RAD54B: variants seen among roughly 807,000 people sequenced by gnomAD.
The protein encoded by RAD54B is DNA repair and recombination protein RAD54B.
In RAD54B, 78 loss-of-function variants were observed where a neutral mutation model predicts 95.8. That is an observed-to-expected ratio of 0.81 (90% confidence interval 0.68 to 0.98). The LOEUF (loss-of-function observed/expected upper bound fraction) is 0.98. Ranked by LOEUF, RAD54B falls within the 50% of genes least tolerant of loss-of-function variation. The pLI is 0.00. For synonymous variants in RAD54B, 328 were observed against 354.9 expected (o/e 0.92, Z 0.85); for missense variants, 957 against 1,056.6 (o/e 0.91, Z 1.31).
intron 3 of RAD54B, among the ~76,000 whole-genome samples, chr8:94,437,131 G>A (rs1481204217): frequency 6.6e-6 from 1 of 152,170 alleles, no homozygotes. Context: ...TGTGTATAAA[G>A]GGAACAGCTC....
chr8:94,406,027 C>CACACACACACAT (rs11281421), intron 5 of RAD54B, among the ~76,000 whole-genome samples: 5,103 of 150,390 alleles, frequency 0.034, 103 homozygotes, highest in South Asian at 0.048. Flanking sequence ...CACACACACA[C>CACACACACACAT]ATATATATAA....
intron 4 of RAD54B, among the ~76,000 whole-genome samples, chr8:94,407,963 T>G (rs1031910612): frequency 1.7e-4 from 26 of 152,148 alleles, no homozygotes; most frequent in African/African-American, 6.3e-4. Flanking sequence ...AAATATAGAT[T>G]ATTGTACTCT....
At chr8:94,444,804 C>A (rs1308963703) in intron 3 of RAD54B, among the ~76,000 whole-genome samples, 2 of 152,178 alleles carry the variant, frequency 1.3e-5, no homozygotes, top group East Asian at 1.9e-4. Context: ...ATTGTAAATT[C>A]TTCCTCTGTC....
chr8:94,379,259 A>G (rs963080687), intron 12 of RAD54B, among the ~76,000 whole-genome samples: 2 of 152,168 alleles, frequency 1.3e-5, no homozygotes, highest in Admixed American at 6.5e-5. Context: ...TGGATCATGT[A>G]GTTTGATTTC....
Position 94,380,318 on chromosome 8 carries a change from C to T in RAD54B, c.2074G>A (p.Gly692Arg). 1 of 1,614,038 alleles carries T rather than the reference C, an allele frequency of 6.2e-7. No individual in the cohort carries two copies. The highest frequency in any genetic ancestry group is 2.2e-5 in the East Asian group (1 of 44,850). ...RHGYAYTRLD[G>R]QTPISQRQQI... ...TGCCTTTGAGAGATTGGTGTTTGTCCATCAAGTCTTGTATAAGCATATCCA... is the reference window on the plus strand; with the variant it reads ...TGCCTTTGAGAGATTGGTGTTTGTCTATCAAGTCTTGTATAAGCATATCCA... Residue 692 changes from glycine to arginine, a missense_variant, in exon 12 of 15, where the codon GGA (glycine) becomes AGA (arginine). Gly to Arg is a moderately radical substitution (Grantham distance 125). Transcript: ENST00000336148.
intron 11 of RAD54B, 33 bp downstream of exon 11, chr8:94,386,951 T>A (rs777987777): frequency 1.1e-4 from 160 of 1,482,980 alleles, no homozygotes; most frequent in Admixed American, 2.1e-4. Flanking sequence ...TAAAACTCTA[T>A]GAGCACTTAT....
In RAD54B at chr8:94,458,273, T is replaced by G. The variant is rs61758786; in HGVS notation, c.299A>C (p.His100Pro). 797 of 1,601,838 alleles carry G rather than the reference T, an allele frequency of 5.0e-4. No homozygotes were observed. The highest frequency in any genetic ancestry group is 5.3e-4 in the Non-Finnish European group (620 of 1,176,074). ...APTLATLDPP[H>P]TVHSAPKEVA... The stretch of plus-strand genomic sequence containing the variant: ...TCAATAAAAAGCAGTCTTACCTGTA[T>G]GAGGTGGATCTAATGTTGCCAGTGT... The change falls in exon 3 of 15, where the codon CAT becomes CCT. Residue 100 changes from histidine (H) to proline (P), a missense_variant. His to Pro is a moderately conservative substitution (Grantham distance 77). Transcript: ENST00000336148.
chr8:94,432,204 C>A, intron 3 of RAD54B: 1 of 1,550,284 alleles, frequency 6.5e-7, no homozygotes, highest in Non-Finnish European at 8.7e-7. Context: ...AATTTTTGCT[C>A]TTAGTAGCTC....
intron 3 of RAD54B, among the ~76,000 whole-genome samples, chr8:94,425,477 T>C (rs1473027829): frequency 6.6e-6 from 1 of 152,178 alleles, no homozygotes; most frequent in Non-Finnish European, 1.5e-5. Flanking sequence ...AGATCATGTT[T>C]TGAGTTTTAA....
At chr8:94,375,474 C>T (rs901146773) in intron 14 of RAD54B, among the ~76,000 whole-genome samples, 3 of 152,160 alleles carry the variant, frequency 2.0e-5, no homozygotes, top group African/African-American at 7.2e-5. Flanking sequence ...TGCCACCATC[C>T]ATGTAAGATC....
chr8:94,427,163 A>T (rs1342894256), intron 3 of RAD54B, among the ~76,000 whole-genome samples: 1 of 152,040 alleles, frequency 6.6e-6, no homozygotes, highest in African/African-American at 2.4e-5. Flanking sequence ...AACAAAAAAG[A>T]CCTGCTAGCA....
chr8:94,474,829 C>A (rs1813260272), intron 1 of RAD54B, among the ~76,000 whole-genome samples, 172 bp downstream of exon 1: 1 of 152,234 alleles, frequency 6.6e-6, no homozygotes, highest in Admixed American at 6.5e-5. Context: ...GCAACCAGGG[C>A]GTCCCTGGCA....
intron 3 of RAD54B, among the ~76,000 whole-genome samples, chr8:94,441,759 G>A (rs991948725): frequency 7.2e-5 from 11 of 152,238 alleles, no homozygotes; most frequent in East Asian, 3.9e-4. Context: ...GGTCTTTCAC[G>A]TAACCAACTC....
chr8:94,438,997 TG>T (rs964077287), intron 3 of RAD54B, among the ~76,000 whole-genome samples: 4 of 152,060 alleles, frequency 2.6e-5, no homozygotes, highest in Non-Finnish European at 5.9e-5. Context: ...GAACCTGAGG[TG>T]GAAGGATCAC....
At chr8:94,414,716 C>A (rs970449835) in intron 3 of RAD54B, among the ~76,000 whole-genome samples, 1 of 152,046 alleles carries the variant, frequency 6.6e-6, no homozygotes, top group Non-Finnish European at 1.5e-5. Context: ...TTCTTATACA[C>A]CAATAACAGA....
At chr8:94,470,770 GAA>G (rs56341651) in intron 1 of RAD54B, among the ~76,000 whole-genome samples, 1,890 of 143,624 alleles carry the variant, frequency 0.013, 42 homozygotes, top group African/African-American at 0.046. Context: ...AGAAAACAAA[GAA>G]AAAAAAAAAG....
rs1277710570 is a variant in RAD54B, at chr8:94,407,710, A to G, written c.510T>C (p.Tyr170=). Residue 170 remains tyrosine, a synonymous_variant, in exon 5 of 15, where the codon TAT becomes TAC. Transcript: ENST00000336148. ...CAATCTTTTCAAGCTCTTTGAATTT[A>G]TAACCAATGCCTTTAAGTTAAGAAA... The part of the protein sequence containing the change: ...EGKDIGRGIG[Y]KFKELEKIEE... The G allele has an allele frequency of 6.2e-7, 1 of 1,610,848 alleles. No individual in the cohort carries two copies. Among genetic ancestry groups the G allele is most frequent in the Admixed American group, 1.7e-5 (1 of 59,770 alleles).
chr8:94,433,604 G>C (rs1046795015), intron 3 of RAD54B, among the ~76,000 whole-genome samples: 4 of 151,858 alleles, frequency 2.6e-5, no homozygotes, highest in African/African-American at 9.7e-5. Context: ...AACAAGTTAT[G>C]ATATTATAAA....
At chr8:94,392,726 T>C (rs1246195071) in intron 9 of RAD54B, among the ~76,000 whole-genome samples, 1 of 147,030 alleles carries the variant, frequency 6.8e-6, no homozygotes, top group African/African-American at 2.5e-5. Context: ...GCCTCCCAAG[T>C]AGCTGGGACC....
Sources: allele counts gnomAD v4.1 joint callset (sites outside exome capture counted in the v4.1 genomes callset), GRCh38; gene constraint gnomAD v4.1.1; transcripts MANE v1.5; gene names NCBI Gene and HGNC (gene_info 2026-07-23, HGNC 2026-07-21).